MYH4: variants seen among roughly 807,000 people sequenced by gnomAD.
MYH4 encodes myosin heavy chain 4.
A neutral mutation model predicts 229.9 loss-of-function variants in MYH4; 200 were observed. The ratio of observed to expected loss-of-function variants is 0.87; its 90% CI spans 0.78 to 0.98. The LOEUF (loss-of-function observed/expected upper bound fraction) is 0.98, where lower values mean the gene tolerates loss of function less well. MYH4 is among the 50% of genes least tolerant of loss of function. The pLI, the probability that MYH4 is intolerant of heterozygous loss-of-function variation, is 0.00. For synonymous variants in MYH4, 761 were observed against 834.6 expected, an observed-to-expected ratio of 0.91 and a Z score of 1.52; for missense variants, 2,148 against 2,332.6, an observed-to-expected ratio of 0.92 and a Z score of 1.63.
chr17:10,459,313 T>C lies in MYH4; in HGVS notation c.1525A>G (p.Ile509Val), dbSNP rs763072167. 1 of 1,614,032 alleles carries C rather than the reference T, an allele frequency of 6.2e-7. No homozygotes were observed. The highest frequency in any genetic ancestry group is 2.2e-5 in the East Asian group (1 of 44,878). The change falls in exon 15 of 40, where the codon ATC becomes GTC. Residue 509 changes from isoleucine to valine, a missense_variant. Ile to Val is a conservative substitution (Grantham distance 29). Transcript: ENST00000255381. ...CCGAAGTCAATGAACTCCCACTCGA[T>C]GCCTTCCTTCTTGTACTCTTCCTGC... is the stretch of plus-strand genomic sequence containing the variant. ...LEQEEYKKEG[I>V]EWEFIDFGMD...
intron 15 of MYH4, among the ~76,000 whole-genome samples, chr17:10,458,035 A>C (rs536732341): frequency 6.6e-6 from 1 of 152,338 alleles, no homozygotes; most frequent in Admixed American, 6.5e-5. Flanking sequence ...ATATCTGACT[A>C]CTTTCTTTCC....
chr17:10,465,968 G>T lies in MYH4; in HGVS notation c.348+305C>A, dbSNP rs1009882387. 1.4e-3 allele frequency among the ~76,000 whole-genome samples: 218 copies of T among 151,288 alleles called. 1 individual carries two copies. The highest frequency in any genetic ancestry group is 4.3e-3 in the Admixed American group (65 of 15,232). On this transcript the variant is annotated intron_variant, in intron 4 of 39. Coordinates refer to ENST00000255381, the MANE Select transcript of MYH4 (RefSeq NM_017533.2). ...TTTTTGTATTTTTAGTAGAGACGGG[G>T]TTTCACCGTTTTAGCCGGGATGGTC...
chr17:10,457,218 G>A (rs1439591475), intron 16 of MYH4, among the ~76,000 whole-genome samples: 2 of 152,184 alleles, frequency 1.3e-5, no homozygotes, highest in African/African-American at 2.4e-5. Context: ...CAGGCTGTGG[G>A]CTAAATGCTC....
In MYH4 at chr17:10,469,539, T is replaced by G. The variant is rs1472183054; in HGVS notation, c.-91A>C. 2 of 152,150 alleles carry G rather than the reference T, an allele frequency of 1.3e-5. No homozygotes were observed. Among genetic ancestry groups the G allele is most frequent in the East Asian group, 3.8e-4 (2 of 5,196 alleles). The allele number at this position is 152,150 out of a possible 1,614,324, so 9.4% of individuals were successfully genotyped here. On this transcript the variant is annotated splice_region_variant and 5_prime_UTR_variant, in exon 1 of 40. Transcript: ENST00000255381. ...AGTGTTCTTCCACATATACATACCT[T>G]CAAGAATTTTGAGGAAGGATGGGAA...
At position 10,454,704 on chromosome 17, in the gene MYH4, C is replaced by T; in HGVS notation, c.2542G>A (p.Glu848Lys). The change falls in exon 22 of 40, where the codon GAG becomes AAG. Residue 848 changes from glutamate (E) to lysine (K), a missense_variant. Glu to Lys is a moderately conservative substitution (Grantham distance 56). Transcript: ENST00000255381. The stretch of plus-strand genomic sequence containing the variant: ...ATGTTGGCCATCTCCTTCTCTGTCT[C>T]TGCACTCTTGAGGAGGGGCTTGATC... ...FKIKPLLKSAETEKEMANMKE... is the reference protein window; with the variant it reads ...FKIKPLLKSAKTEKEMANMKE... 2 of 1,614,186 alleles carry T rather than the reference C, an allele frequency of 1.2e-6. No homozygotes were observed. Among genetic ancestry groups the T allele is most frequent in the African/African-American group, 1.3e-5 (1 of 75,046 alleles).
intron 2 of MYH4, among the ~76,000 whole-genome samples, chr17:10,467,578 T>C (rs1020890180): frequency 1.3e-5 from 2 of 152,236 alleles, no homozygotes; most frequent in Non-Finnish European, 2.9e-5. Flanking sequence ...AATTTTATAG[T>C]GATTGTATGT....
intron 2 of MYH4, among the ~76,000 whole-genome samples, chr17:10,468,845 G>GT (rs1195887895): frequency 6.6e-6 from 1 of 152,190 alleles, no homozygotes; most frequent in African/African-American, 2.4e-5. Context: ...GCTAAATGCA[G>GT]GTTTGTTAAT....
chr17:10,464,483 CAG>C lies in MYH4; in HGVS notation c.635_636del (p.Ser212TrpfsTer8), dbSNP rs2072739299. 6.2e-7 allele frequency: 1 copy of C among 1,612,704 alleles called. No individual in the cohort carries two copies. The highest frequency in any genetic ancestry group is 8.5e-7 in the Non-Finnish European group (1 of 1,179,544). ...TGEKKKEEPA[S>X]GKMQGTLEDQ... ...AATATCATGCCCACCTGCATTTTGC[CAG>C]AGGCAGGTTCCTCTTTTTTCTTCTC... On this transcript the variant is annotated frameshift_variant, in exon 7 of 40. Coordinates refer to ENST00000255381, the MANE Select transcript of MYH4 (RefSeq NM_017533.2). LOFTEE classifies it high-confidence loss of function.
At chr17:10,453,006 A>G in intron 24 of MYH4, 74 bp from the exon 25 acceptor site, 9 of 1,586,774 alleles carry the variant, frequency 5.7e-6, no homozygotes, top group Non-Finnish European at 7.7e-6. Flanking sequence ...TCAAAGATAC[A>G]TAAGAAAAAA....
chr17:10,464,342 T>C, intron 7 of MYH4, 130 bp downstream of exon 7: 1 of 798,548 alleles, frequency 1.3e-6, no homozygotes, highest in Non-Finnish European at 1.9e-6. Context: ...ATGATTTTGA[T>C]CTTTTTTAAG....
At chr17:10,447,284 T>C in intron 34 of MYH4, 68 bp from the exon 35 acceptor site, 1 of 1,365,306 alleles carries the variant, frequency 7.3e-7, no homozygotes, top group Non-Finnish European at 1.0e-6. Context: ...TATGGTCATG[T>C]ACACTCTTTG....
At chr17:10,455,533 GA>G in intron 19 of MYH4, 80 bp downstream of exon 19, 1 of 1,537,886 alleles carries the variant, frequency 6.5e-7, no homozygotes, top group Non-Finnish European at 8.9e-7. Flanking sequence ...ATTTTTCAAG[GA>G]AAAGTTTAAA....
chr17:10,450,712 A>G, intron 29 of MYH4, 63 bp from the exon 30 acceptor site: 1 of 1,610,774 alleles, frequency 6.2e-7, no homozygotes, highest in Non-Finnish European at 8.5e-7. Flanking sequence ...TCTCTATGCA[A>G]AGTTCAATAG....
chr17:10,451,263 G>C, intron 28 of MYH4, 63 bp downstream of exon 28: 1 of 1,564,252 alleles, frequency 6.4e-7, no homozygotes, highest in Non-Finnish European at 8.7e-7. Context: ...TATTTGATAG[G>C]TAGGTAAAGG....
At chr17:10,449,164 A>T (rs1299495950) in intron 30 of MYH4, 117 bp from the exon 31 acceptor site, 14 of 840,906 alleles carry the variant, frequency 1.7e-5, no homozygotes, top group African/African-American at 3.4e-5. Flanking sequence ...AAGTTGTTGA[A>T]TTTTTCTAAA....
rs370263974 is a variant in MYH4 at position 10,444,978 on chromosome 17, T to C, written c.5464A>G (p.Arg1822Gly). ...TGAGTGAAGTTGTGGAGACCTACCC[T>C]GGCCTCCAGTTTCTGGATCTGCTTC... Reference protein sequence around the residue: ...GKKQIQKLEARVRELESEVES... With the variant: ...GKKQIQKLEAGVRELESEVES... The change falls in exon 37 of 40, where the codon AGG (arginine) becomes GGG (glycine). Residue 1822 changes from arginine to glycine, a missense_variant and splice_region_variant. Arg to Gly is a moderately radical substitution (Grantham distance 125). Transcript: ENST00000255381. 1.1e-5 allele frequency: 17 copies of C among 1,614,018 alleles called. No individual in the cohort carries two copies. The African/African-American group carries it at 1.9e-4, about 18-fold the overall frequency.
At chr17:10,465,779 T>G (rs921758107) in intron 4 of MYH4, among the ~76,000 whole-genome samples, 181 bp from the exon 5 acceptor site, 1 of 141,132 alleles carries the variant, frequency 7.1e-6, no homozygotes. Flanking sequence ...TCTTTTTTTT[T>G]TTTTTTTTTT....
At position 10,452,429 on chromosome 17, in the gene MYH4, ATCT is replaced by A. The variant is rs1258313363; in HGVS notation, c.3332_3334del (p.Lys1111del). On this transcript the variant is annotated inframe_deletion, in exon 26 of 40. Transcript: ENST00000255381. ...GTTATAACTTACCTGTAATTCTTTG[ATCT>A]TCTTTTGTAGCTGTATTGCAAGGGC... 5.0e-6 allele frequency: 8 copies of A among 1,614,034 alleles called. No individual in the cohort carries two copies. Among genetic ancestry groups the A allele is most frequent in the Non-Finnish European group, 6.8e-6 (8 of 1,179,988 alleles).
Position 10,450,648 on chromosome 17 carries a change from G to A in MYH4, c.3986C>T (p.Ala1329Val). Residue 1329 changes from alanine to valine, a missense_variant and splice_region_variant, in exon 30 of 40, where the codon GCC (alanine) becomes GTC (valine). By Grantham distance (64) the Ala-to-Val change is moderately conservative (BLOSUM62 0). Transcript: ENST00000255381. ...LKRQLEEETK[A>V]KSTLAHALQS... ...CAGGGCATGGGCCAGAGTGCTCTTG[G>A]CCTAGACCAACCAAAAACTATGTGA... 6.2e-7 allele frequency: 1 copy of A among 1,613,946 alleles called. No homozygotes were observed. The highest frequency in any genetic ancestry group is 2.2e-5 in the East Asian group (1 of 44,888).
Sources: allele counts gnomAD v4.1 joint callset (sites outside exome capture counted in the v4.1 genomes callset), GRCh38; gene constraint gnomAD v4.1.1; transcripts MANE v1.5; gene names NCBI Gene and HGNC (gene_info 2026-07-23, HGNC 2026-07-21).